Variants in LUZP2 observed in about 807,000 individuals in gnomAD.
LUZP2 encodes leucine zipper protein 2.
LUZP2 carries 52 observed loss-of-function variants against 51.6 expected under a neutral mutation model. The ratio of observed to expected loss-of-function variants is 1.01; its 90% confidence interval spans 0.81 to 1.27. LUZP2 has a LOEUF of 1.27. LUZP2 is among the 50% of genes most tolerant of loss of function. The pLI is 0.00. For synonymous variants in LUZP2, 154 were observed against 137.3 expected (o/e 1.12, Z -0.85); for missense variants, 436 against 395.4 (o/e 1.10, Z -0.87).
chr11:24,534,433 T>C (rs547842724), intron 1 of LUZP2, among the ~76,000 whole-genome samples: 46 of 143,102 alleles, frequency 3.2e-4, no homozygotes, highest in Non-Finnish European at 6.4e-4. Flanking sequence ...AGATTACACA[T>C]ACATTTCTCT....
At chr11:24,908,299 T>A (rs1406430409) in intron 6 of LUZP2, among the ~76,000 whole-genome samples, 1 of 152,162 alleles carries the variant, frequency 6.6e-6, no homozygotes, top group African/African-American at 2.4e-5. Flanking sequence ...ATCACTCCTA[T>A]TTTATCAAAG....
intron 7 of LUZP2, among the ~76,000 whole-genome samples, chr11:24,958,515 A>AT (rs1302801206): frequency 6.6e-6 from 1 of 151,920 alleles, no homozygotes; most frequent in Non-Finnish European, 1.5e-5. Context: ...GATGATGAGC[A>AT]TTTTTTCATG....
chr11:24,688,054 A>G (rs984131795), intron 1 of LUZP2, among the ~76,000 whole-genome samples: 11 of 151,706 alleles, frequency 7.3e-5, no homozygotes, highest in Non-Finnish European at 1.5e-5. Flanking sequence ...AAACAATGTC[A>G]TTCTCCCCTT....
At chr11:24,764,767 G>A (rs1860120276) in intron 5 of LUZP2, among the ~76,000 whole-genome samples, 1 of 152,054 alleles carries the variant, frequency 6.6e-6, no homozygotes, top group African/African-American at 2.4e-5. Flanking sequence ...AGGCAGCAGG[G>A]TTGCTTAAGG....
intron 10 of LUZP2, among the ~76,000 whole-genome samples, chr11:25,059,872 T>G (rs1020672565): frequency 6.6e-6 from 1 of 152,138 alleles, no homozygotes; most frequent in African/African-American, 2.4e-5. Context: ...AGTGCTTCTA[T>G]TATGATAGGA....
chr11:24,564,025 A>G (rs1852140304), intron 1 of LUZP2, among the ~76,000 whole-genome samples: 1 of 152,164 alleles, frequency 6.6e-6, no homozygotes, highest in Admixed American at 6.6e-5. Flanking sequence ...AGTTATATCC[A>G]AGAAATATTT....
intron 1 of LUZP2, among the ~76,000 whole-genome samples, chr11:24,600,831 C>T (rs748824514): frequency 5.9e-5 from 9 of 151,982 alleles, no homozygotes; most frequent in South Asian, 2.1e-4. Flanking sequence ...AAGGTAGACA[C>T]GCTAGACTCA....
At chr11:24,991,124 T>G (rs1239752852) in intron 9 of LUZP2, among the ~76,000 whole-genome samples, 1 of 151,900 alleles carries the variant, frequency 6.6e-6, no homozygotes, top group Non-Finnish European at 1.5e-5. Flanking sequence ...ACCTGCTTCC[T>G]ACCTTTCCAC....
intron 5 of LUZP2, chr11:24,890,945 T>G: frequency 1.0e-6 from 1 of 953,076 alleles, no homozygotes; most frequent in Non-Finnish European, 1.2e-6. Flanking sequence ...TCTATTGCTC[T>G]TATGATGAAA....
intron 5 of LUZP2, among the ~76,000 whole-genome samples, chr11:24,781,558 T>C (rs1369146128): frequency 7.0e-6 from 1 of 142,182 alleles, no homozygotes; most frequent in Non-Finnish European, 1.5e-5. Context: ...CATGAAGACC[T>C]GTGTTTCATG....
intron 9 of LUZP2, among the ~76,000 whole-genome samples, chr11:25,038,074 AT>A (rs1186148097): frequency 6.6e-6 from 1 of 151,812 alleles, no homozygotes; most frequent in African/African-American, 2.4e-5. Context: ...CTATTTTATT[AT>A]TTTTATATTA....
At chr11:24,953,086 A>C (rs1274647675) in intron 7 of LUZP2, among the ~76,000 whole-genome samples, 1 of 152,004 alleles carries the variant, frequency 6.6e-6, no homozygotes, top group East Asian at 1.9e-4. Flanking sequence ...AAAATGCATT[A>C]AAATAAATTT....
At chr11:24,795,390 C>T (rs1032211868) in intron 5 of LUZP2, among the ~76,000 whole-genome samples, 3 of 152,010 alleles carry the variant, frequency 2.0e-5, no homozygotes, top group African/African-American at 4.8e-5. Context: ...CTGATTCCTA[C>T]AGCATTAAAA....
intron 1 of LUZP2, among the ~76,000 whole-genome samples, chr11:24,638,684 A>T (rs955026228): frequency 1.3e-5 from 2 of 148,172 alleles, no homozygotes; most frequent in Non-Finnish European, 3.0e-5. Flanking sequence ...ATTTATGATA[A>T]TGAAAGTGGA....
chr11:24,727,683 A>G (rs1858531170), intron 1 of LUZP2, among the ~76,000 whole-genome samples: 1 of 152,000 alleles, frequency 6.6e-6, no homozygotes, highest in African/African-American at 2.4e-5. Flanking sequence ...GTGAGACTGA[A>G]TGGAAATTTG....
intron 4 of LUZP2, among the ~76,000 whole-genome samples, chr11:24,741,963 T>TATATACATTTATATATTATATAG (rs1565111059): frequency 8.1e-6 from 1 of 123,920 alleles, no homozygotes. Flanking sequence ...ATATTATATA[T>TATATACATTTATATATTATATAG]AAATATATAC....
intron 1 of LUZP2, among the ~76,000 whole-genome samples, chr11:24,660,579 T>C (rs1399114233): frequency 6.6e-6 from 1 of 152,156 alleles, no homozygotes; most frequent in Non-Finnish European, 1.5e-5. Flanking sequence ...GGAGAGTGTC[T>C]GGATTAAAGC....
chr11:24,539,881 A>G (rs1334065322), intron 1 of LUZP2, among the ~76,000 whole-genome samples: 1 of 152,090 alleles, frequency 6.6e-6, no homozygotes, highest in Non-Finnish European at 1.5e-5. Flanking sequence ...CACATATTAA[A>G]TGAATCAATA....
At chr11:24,819,180 G>A (rs58447033) in intron 5 of LUZP2, among the ~76,000 whole-genome samples, 33,961 of 151,890 alleles carry the variant, frequency 0.22, 4,270 homozygotes, top group African/African-American at 0.33. Context: ...AAAGAAAGTC[G>A]TCTAGCACAG....
Sources: allele counts gnomAD v4.1 joint callset (sites outside exome capture counted in the v4.1 genomes callset), GRCh38; gene constraint gnomAD v4.1.1; transcripts MANE v1.5; gene names NCBI Gene and HGNC (gene_info 2026-07-23, HGNC 2026-07-21).